The following IL34 variants were observed in gnomAD, a reference collection of about 807,000 sequenced individuals.
The protein encoded by IL34 is interleukin 34, also known as interleukin-34.
Under a neutral mutation model 25.3 loss-of-function variants are expected in IL34, and 17 were observed. The observed-to-expected ratio is 0.67, with a 90% CI of 0.46 to 1.01. IL34 has a LOEUF of 1.01. Ranked by LOEUF, IL34 falls within the 50% of genes least tolerant of loss-of-function variation. The pLI is 0.00. For synonymous variants in IL34, 174 were observed against 140.9 expected, an observed-to-expected ratio of 1.23 and a Z score of -1.66; for missense variants, 368 against 312.9, an observed-to-expected ratio of 1.18 and a Z score of -1.33.
chr16:70,624,091 T>C (rs889442018), intron 1 of IL34, among the ~76,000 whole-genome samples: 1 of 152,068 alleles, frequency 6.6e-6, no homozygotes, highest in African/African-American at 2.4e-5. Context: ...TCAGAGAGCC[T>C]TGGGCCAGAG....
At chr16:70,594,550 C>T (rs1479444574) in intron 1 of IL34, among the ~76,000 whole-genome samples, 1 of 152,130 alleles carries the variant, frequency 6.6e-6, no homozygotes, top group Non-Finnish European at 1.5e-5. Context: ...ATGGGTCCTT[C>T]CAAAGATTGT....
At chr16:70,625,263 C>T (rs1455582312) in intron 1 of IL34, among the ~76,000 whole-genome samples, 1 of 148,796 alleles carries the variant, frequency 6.7e-6, no homozygotes. Flanking sequence ...GAGGCAAACC[C>T]AGAGAAAAGA....
chr16:70,647,108 C>A (rs548585613), intron 1 of IL34, 133 bp downstream of exon 1: 2 of 813,820 alleles, frequency 2.5e-6, no homozygotes, highest in Admixed American at 4.3e-5. Flanking sequence ...ACTGCAGACA[C>A]CCTCTGAGAT....
intron 1 of IL34, among the ~76,000 whole-genome samples, chr16:70,620,629 A>G (rs1482896511): frequency 1.3e-5 from 2 of 152,184 alleles, no homozygotes; most frequent in Admixed American, 1.3e-4. Flanking sequence ...TACGAGTTGC[A>G]TTGGGCACAG....
Position 70,654,679 on chromosome 16 carries a change from C to T in IL34, c.162+8C>T, listed in dbSNP as rs2052168797. ...AGCCGACTTCAGTACATGGTAACCA[C>T]GTGGGCACCAGCTGTGTCCCTGTCC... On this transcript the variant is annotated splice_region_variant and intron_variant, in intron 2 of 5. Coordinates refer to ENST00000288098, the MANE Select transcript of IL34 (RefSeq NM_001393494.1). The T allele has an allele frequency of 4.4e-6, 7 of 1,597,744 alleles. No homozygotes were observed. The East Asian group carries it at 1.4e-4, about 31-fold the overall frequency.
rs114652826 is a variant in IL34, at chr16:70,647,229, G to C, written c.28+254G>C. The stretch of plus-strand genomic sequence containing the variant: ...GGTCCTCAGGGTGGTCTTAGGTCGG[G>C]GCAGGCACTGGGGGTAGGTGGCAGC... On this transcript the variant is annotated intron_variant, in intron 1 of 5. Coordinates refer to ENST00000288098, the MANE Select transcript of IL34 (RefSeq NM_001393494.1). 7.6e-3 allele frequency among the ~76,000 whole-genome samples: 1,155 copies of C among 152,340 alleles called. 16 individuals carry two copies. The highest frequency in any genetic ancestry group is 0.026 in the African/African-American group (1,089 of 41,592).
chr16:70,640,588 C>T (rs879734204), intron 1 of IL34, among the ~76,000 whole-genome samples: 80 of 149,132 alleles, frequency 5.4e-4, no homozygotes, highest in Non-Finnish European at 8.3e-4. Flanking sequence ...CTTGCCACTG[C>T]ACTCCAGCCA....
At chr16:70,659,943 A>T in intron 5 of IL34, 54 bp from the exon 6 acceptor site, 4 of 1,507,542 alleles carry the variant, frequency 2.7e-6, no homozygotes, top group Non-Finnish European at 3.6e-6. Flanking sequence ...CTTAGTGGGG[A>T]GGGTGGTCTT....
Position 70,646,753 on chromosome 16 carries a change from C to A in IL34, c.-195C>A. ...CGCCCCCCGGCTGTCCTCCACGCTG[C>A]CGGGCAGATAAGGGCAGCTGCTGCC... On this transcript the variant is annotated 5_prime_UTR_variant, in exon 1 of 6. Coordinates refer to ENST00000288098, the MANE Select transcript of IL34 (RefSeq NM_001393494.1). The A allele has an allele frequency of 3.8e-6, 2 of 525,166 alleles. No individual in the cohort carries two copies. Among genetic ancestry groups the A allele is most frequent in the Non-Finnish European group, 6.5e-6 (2 of 306,196 alleles). 32.5% of individuals were successfully genotyped at this position (525,166 alleles called of 1,614,324 possible).
At chr16:70,644,416 C>G (rs1042557133), upstream of IL34, among the ~76,000 whole-genome samples, 1 of 152,032 alleles carries the variant, frequency 6.6e-6, no homozygotes, top group Admixed American at 6.6e-5. Flanking sequence ...GTCTGTTATA[C>G]TATTCTACCT....
chr16:70,619,927 G>A (rs1251445808), intron 1 of IL34, among the ~76,000 whole-genome samples: 1 of 152,214 alleles, frequency 6.6e-6, no homozygotes, highest in African/African-American at 2.4e-5. Flanking sequence ...AGCACATGTA[G>A]CAAGCTCCTG....
Position 70,654,810 on chromosome 16 carries a change from G to A in IL34, c.162+139G>A, listed in dbSNP as rs571816137. On this transcript the variant is annotated intron_variant, in intron 2 of 5. Coordinates refer to ENST00000288098, the MANE Select transcript of IL34 (RefSeq NM_001393494.1). ...ATGGCCTGTTTCTCTGCCTTTCTCC[G>A]AAACCTACCCATGCACCTGGTCTGC... 1.3e-5 allele frequency: 15 copies of A among 1,126,798 alleles called. No homozygotes were observed. The East Asian group carries it at 2.3e-4, about 17-fold the overall frequency. 69.8% of individuals were successfully genotyped at this position (1,126,798 alleles called of 1,614,324 possible).
Position 70,609,995 on chromosome 16 carries a change from G to T in IL34, c.-401+29946G>T, listed in dbSNP as rs1270190820. On this transcript the variant is annotated intron_variant, in intron 1 of 6. Transcript: ENST00000429149. ...AAGGCAGGTGGATCACCTGAGGTCT[G>T]GAGTTTGAGACCAGCCTGGCCAACA... 5.3e-5 allele frequency among the ~76,000 whole-genome samples: 8 copies of T among 152,304 alleles called. No individual in the cohort carries two copies. The East Asian group carries it at 1.5e-3, about 29-fold the overall frequency.
intron 1 of IL34, among the ~76,000 whole-genome samples, chr16:70,624,474 A>T (rs1282607272): frequency 1.3e-5 from 2 of 152,108 alleles, no homozygotes; most frequent in Non-Finnish European, 2.9e-5. Context: ...TCGGGAGCAC[A>T]TTGGGTAATA....
intron 1 of IL34, among the ~76,000 whole-genome samples, chr16:70,634,679 C>CA (rs35353668): frequency 0.072 from 8,471 of 117,716 alleles, 265 homozygotes; most frequent in Non-Finnish European, 0.089. Flanking sequence ...GATTCCGAAT[C>CA]AAAAAAAAAA....
intron 1 of IL34, among the ~76,000 whole-genome samples, chr16:70,627,730 A>C (rs1189428972): frequency 2.0e-5 from 3 of 152,128 alleles, no homozygotes; most frequent in African/African-American, 7.2e-5. Context: ...TCAGATCCCA[A>C]AGTGGTGGGG....
chr16:70,627,658 TG>T (rs1227012122), intron 1 of IL34, among the ~76,000 whole-genome samples: 1 of 152,020 alleles, frequency 6.6e-6, no homozygotes, highest in Admixed American at 6.6e-5. Context: ...TTTGTAGAGA[TG>T]GGATCTCACT....
chr16:70,601,772 G>A (rs888398288), intron 1 of IL34, among the ~76,000 whole-genome samples: 3 of 152,206 alleles, frequency 2.0e-5, no homozygotes, highest in Non-Finnish European at 4.4e-5. Flanking sequence ...GGGGACAGAG[G>A]GAATGAAAGG....
intron 1 of IL34, among the ~76,000 whole-genome samples, chr16:70,649,269 G>A (rs746673851): frequency 3.9e-5 from 6 of 152,308 alleles, no homozygotes; most frequent in African/African-American, 7.2e-5. Context: ...GGAGCAGCTC[G>A]GGGCCTTTTG....
Sources: allele counts gnomAD v4.1 joint callset (sites outside exome capture counted in the v4.1 genomes callset), GRCh38; gene constraint gnomAD v4.1.1; transcripts MANE v1.5; gene names NCBI Gene and HGNC (gene_info 2026-07-23, HGNC 2026-07-21).